UBAC2: variants seen among roughly 807,000 people sequenced by gnomAD.
The protein encoded by UBAC2 is UBA domain containing 2.
UBAC2 carries 26 observed loss-of-function variants against 44.0 expected under a neutral mutation model. The ratio of observed to expected loss-of-function variants is 0.59; its 90% CI spans 0.43 to 0.82. The LOEUF (loss-of-function observed/expected upper bound fraction) is 0.82, where lower values mean the gene tolerates loss of function less well. Ranked by LOEUF, UBAC2 falls within the 40% of genes least tolerant of loss-of-function variation. UBAC2 has a pLI of 0.00. For missense variants in UBAC2, 329 were observed against 419.4 expected, an observed-to-expected ratio of 0.78 and a Z score of 1.88; for synonymous variants, 155 against 154.3, an observed-to-expected ratio of 1.00 and a Z score of -0.04.
intron 6 of UBAC2, among the ~76,000 whole-genome samples, chr13:99,338,004 T>TA (rs1261953774): frequency 6.7e-6 from 1 of 149,030 alleles, no homozygotes; most frequent in Non-Finnish European, 1.5e-5. Context: ...TGATGAGCTT[T>TA]AAAAAAATTG....
intron 7 of UBAC2, among the ~76,000 whole-genome samples, chr13:99,342,686 G>A (rs368666458): frequency 4.6e-5 from 7 of 152,298 alleles, no homozygotes; most frequent in African/African-American, 7.2e-5. Context: ...GTGGATGCCC[G>A]TGGTGGGCAC....
chr13:99,306,504 A>G (rs1231725208), intron 4 of UBAC2, among the ~76,000 whole-genome samples: 1 of 152,006 alleles, frequency 6.6e-6, no homozygotes, highest in Non-Finnish European at 1.5e-5. Context: ...AAAAAACAAA[A>G]TACCACGCCC....
intron 1 of UBAC2, among the ~76,000 whole-genome samples, chr13:99,202,072 C>CAA (rs776251286): frequency 8.8e-4 from 63 of 71,648 alleles, no homozygotes; most frequent in African/African-American, 1.0e-3. Flanking sequence ...GACTCCATCT[C>CAA]AAAAAAAAAA....
intron 6 of UBAC2, among the ~76,000 whole-genome samples, chr13:99,325,674 T>G (rs2138794163): frequency 6.6e-6 from 1 of 152,330 alleles, no homozygotes; most frequent in East Asian, 1.9e-4. Context: ...TTTATGCCTG[T>G]TGATTTTTAA....
rs71215516 is a variant in UBAC2, at chr13:99,335,378, G to GT, written c.562-4931dup. Among the ~76,000 whole-genome samples the GT allele has an allele frequency of 1.7e-3, 254 of 146,170 alleles. 1 individual carries two copies. Among genetic ancestry groups the GT allele is most frequent in the African/African-American group, 3.0e-3 (122 of 40,028 alleles). ...ACTTCCTTGCCTCCAATTCATTACT[G>GT]TTTTTTTTTTTCCATATTGACTTCA... On this transcript the variant is annotated intron_variant, in intron 6 of 8. Transcript: ENST00000403766.
At chr13:99,304,658 G>GC (rs773150538) in intron 4 of UBAC2, among the ~76,000 whole-genome samples, 4 of 152,128 alleles carry the variant, frequency 2.6e-5, no homozygotes, top group Non-Finnish European at 5.9e-5. Flanking sequence ...TCCAGGCACT[G>GC]CCCTGGGCAC....
At chr13:99,339,886 C>G (rs988368299) in intron 6 of UBAC2, among the ~76,000 whole-genome samples, 1 of 152,194 alleles carries the variant, frequency 6.6e-6, no homozygotes, top group African/African-American at 2.4e-5. Flanking sequence ...ATAAATTGAT[C>G]GTGTGACTGG....
chr13:99,297,853 G>C (rs1453265104), intron 4 of UBAC2, among the ~76,000 whole-genome samples: 1 of 151,524 alleles, frequency 6.6e-6, no homozygotes, highest in Non-Finnish European at 1.5e-5. Context: ...AAGAGATACA[G>C]CTCAAAGTGA....
chr13:99,263,280 A>G (rs1186985504), intron 4 of UBAC2, among the ~76,000 whole-genome samples: 1 of 152,212 alleles, frequency 6.6e-6, no homozygotes, highest in Admixed American at 6.5e-5. Context: ...AAGGTTTTAT[A>G]GCTGGATCCT....
chr13:99,260,900 G>C (rs1040501714), intron 4 of UBAC2, among the ~76,000 whole-genome samples: 1 of 152,042 alleles, frequency 6.6e-6, no homozygotes, highest in Admixed American at 6.5e-5. Flanking sequence ...TGCAGTTTTG[G>C]GTTTTGGTTT....
chr13:99,336,357 C>T (rs751184581), intron 6 of UBAC2, among the ~76,000 whole-genome samples: 5 of 152,126 alleles, frequency 3.3e-5, no homozygotes, highest in Non-Finnish European at 5.9e-5. Context: ...TGTGTGTTTT[C>T]TTTTCTAGTT....
chr13:99,372,948 A>T (rs953441124), intron 8 of UBAC2, among the ~76,000 whole-genome samples: 9 of 151,962 alleles, frequency 5.9e-5, no homozygotes, highest in Non-Finnish European at 1.0e-4. Flanking sequence ...CCCTGTCCCT[A>T]CTAAAAAATA....
At chr13:99,248,873 TC>T (rs1481567193) in intron 4 of UBAC2, among the ~76,000 whole-genome samples, 2 of 152,206 alleles carry the variant, frequency 1.3e-5, no homozygotes, top group Non-Finnish European at 2.9e-5. Flanking sequence ...AAACTCATGT[TC>T]AGAAGCTCTC....
intron 6 of UBAC2, among the ~76,000 whole-genome samples, chr13:99,321,551 T>G (rs1005800297): frequency 1.3e-5 from 2 of 152,172 alleles, no homozygotes; most frequent in African/African-American, 4.8e-5. Context: ...CGTCAGGGGA[T>G]CCATCTGCCT....
intron 4 of UBAC2, chr13:99,313,465 G>A (rs1453961792): frequency 6.6e-6 from 1 of 152,274 alleles, no homozygotes; most frequent in Non-Finnish European, 1.5e-5. Flanking sequence ...CAGGTGAGGG[G>A]TGGGCAGGCA....
Position 99,385,235 on chromosome 13 carries a change from G to C in UBAC2, c.935G>C (p.Arg312Pro), listed in dbSNP as rs748740025. 1 of 1,613,952 alleles carries C rather than the reference G, an allele frequency of 6.2e-7. No individual in the cohort carries two copies. Among genetic ancestry groups the C allele is most frequent in the Non-Finnish European group, 8.5e-7 (1 of 1,179,866 alleles). Reference sequence around the variant, plus strand: ...CGTTTTCTCTGCCTGCAGGTCGCCCGGCTCATGGAGATGGGATTTTCCAGA... The same window carrying C: ...CGTTTTCTCTGCCTGCAGGTCGCCCCGCTCATGGAGATGGGATTTTCCAGA... ...PLEVSEEQVA[R>P]LMEMGFSRGD... Residue 312 changes from arginine to proline, a missense_variant, in exon 9 of 9, where the codon CGG becomes CCG. Arg to Pro is a moderately radical substitution (Grantham distance 103, BLOSUM62 -2). Coordinates refer to ENST00000403766, the MANE Select transcript of UBAC2 (RefSeq NM_001144072.2).
In UBAC2 at chr13:99,385,468, C is replaced by A. The variant is rs1263298080; in HGVS notation, c.*133C>A. 4.3e-6 allele frequency: 3 copies of A among 694,404 alleles called. No homozygotes were observed. The African/African-American group carries it at 5.3e-5, about 12-fold the overall frequency. 43.0% of individuals were successfully genotyped at this position (694,404 alleles called of 1,614,324 possible). A position where few individuals can be genotyped will look rare whatever the true frequency, so the allele number is the denominator to read the frequency against. ...GGGAAGAGGGAGGTTCCACCGCACCCCTGCCCTCAACCGCAAGACTGTTGC... is the reference window on the plus strand; with the variant it reads ...GGGAAGAGGGAGGTTCCACCGCACCACTGCCCTCAACCGCAAGACTGTTGC... On this transcript the variant is annotated 3_prime_UTR_variant, in exon 9 of 9. Coordinates refer to ENST00000403766, the MANE Select transcript of UBAC2 (RefSeq NM_001144072.2).
intron 4 of UBAC2, among the ~76,000 whole-genome samples, chr13:99,300,114 CCTT>C (rs1196728156): frequency 6.6e-6 from 1 of 152,206 alleles, no homozygotes; most frequent in East Asian, 1.9e-4. Flanking sequence ...AGGGACAACT[CCTT>C]CTAAGGGCAG....
At chr13:99,273,843 T>C (rs2043848276) in intron 4 of UBAC2, among the ~76,000 whole-genome samples, 1 of 151,606 alleles carries the variant, frequency 6.6e-6, no homozygotes, top group African/African-American at 2.4e-5. Context: ...TTCAGTCTCC[T>C]GGACAGGTCC....
Sources: allele counts gnomAD v4.1 joint callset (sites outside exome capture counted in the v4.1 genomes callset), GRCh38; gene constraint gnomAD v4.1.1; transcripts MANE v1.5; gene names NCBI Gene and HGNC (gene_info 2026-07-23, HGNC 2026-07-21).